MACROD2: variants seen among roughly 807,000 people sequenced by gnomAD.
The protein encoded by MACROD2 is ADP-ribose glycohydrolase MACROD2.
Under a neutral mutation model 70.4 loss-of-function variants are expected in MACROD2, and 36 were observed. The observed-to-expected ratio is 0.51, with a 90% confidence interval of 0.39 to 0.68. MACROD2 has a LOEUF of 0.68. Among genes scored for constraint, MACROD2 ranks in the 30% least tolerant of loss-of-function variants. The pLI is 0.00. For synonymous variants in MACROD2, 172 were observed against 178.8 expected, an observed-to-expected ratio of 0.96 and a Z score of 0.30; for missense variants, 496 against 538.4, an observed-to-expected ratio of 0.92 and a Z score of 0.78.
intron 4 of MACROD2, among the ~76,000 whole-genome samples, chr20:14,494,707 T>TG (rs1231864641): frequency 1.3e-5 from 2 of 152,160 alleles, no homozygotes; most frequent in South Asian, 2.1e-4. Context: ...AATAGAACAG[T>TG]GGGGGATTCA....
intron 10 of MACROD2, among the ~76,000 whole-genome samples, chr20:15,904,194 G>GC (rs2065108386): frequency 6.6e-6 from 1 of 151,984 alleles, no homozygotes; most frequent in South Asian, 2.1e-4. Flanking sequence ...GTGTTTGTTT[G>GC]TTTTTTTAGA....
intron 7 of MACROD2, among the ~76,000 whole-genome samples, chr20:15,463,645 A>G (rs1271393766): frequency 6.6e-6 from 1 of 152,094 alleles, no homozygotes; most frequent in African/African-American, 2.4e-5. Context: ...GCTACTTGAG[A>G]AGCTGAGGCA....
At chr20:14,306,883 A>C (rs905694949) in intron 3 of MACROD2, among the ~76,000 whole-genome samples, 1 of 152,134 alleles carries the variant, frequency 6.6e-6, no homozygotes, top group South Asian at 2.1e-4. Flanking sequence ...TTCTTGTTTA[A>C]TTAAGCTAGA....
chr20:15,842,988 C>G (rs531208122), intron 8 of MACROD2, among the ~76,000 whole-genome samples: 1 of 152,174 alleles, frequency 6.6e-6, no homozygotes, highest in Non-Finnish European at 1.5e-5. Flanking sequence ...GAGTAGGCAC[C>G]TAGAAAAGAG....
intron 5 of MACROD2, among the ~76,000 whole-genome samples, chr20:14,969,143 A>G (rs781729413): frequency 6.6e-6 from 1 of 150,856 alleles, no homozygotes; most frequent in African/African-American, 2.5e-5. Context: ...TCACAAAATT[A>G]TAGCACCTAT....
chr20:15,616,754 T>C (rs963919787), intron 8 of MACROD2, among the ~76,000 whole-genome samples: 1 of 152,224 alleles, frequency 6.6e-6, no homozygotes, highest in Non-Finnish European at 1.5e-5. Flanking sequence ...CAGTTCTAAC[T>C]AGTGTTGATA....
chr20:15,085,591 T>C (rs920514829), intron 5 of MACROD2, among the ~76,000 whole-genome samples: 1 of 152,000 alleles, frequency 6.6e-6, no homozygotes, highest in African/African-American at 2.4e-5. Flanking sequence ...ACATGGATGG[T>C]AGGATGTAAG....
chr20:15,166,357 A>G (rs1012399532), intron 5 of MACROD2, among the ~76,000 whole-genome samples: 2 of 152,208 alleles, frequency 1.3e-5, no homozygotes, highest in Admixed American at 1.3e-4. Flanking sequence ...AAGAGACCAC[A>G]GAAGGCTCTC....
intron 3 of MACROD2, among the ~76,000 whole-genome samples, chr20:14,482,479 G>A (rs531090476): frequency 9.3e-5 from 14 of 150,546 alleles, no homozygotes; most frequent in South Asian, 4.2e-4. Flanking sequence ...AGCTGGCCAC[G>A]TCATGAGTTA....
intron 3 of MACROD2, among the ~76,000 whole-genome samples, chr20:14,175,577 G>A (rs773889143): frequency 6.6e-6 from 1 of 152,178 alleles, no homozygotes; most frequent in Non-Finnish European, 1.5e-5. Flanking sequence ...GTCTAGAGGT[G>A]TTTGAAGTTA....
At chr20:15,754,431 T>C (rs531718679) in intron 8 of MACROD2, among the ~76,000 whole-genome samples, 5 of 152,256 alleles carry the variant, frequency 3.3e-5, no homozygotes, top group Admixed American at 3.3e-4. Flanking sequence ...AAGACCAGCC[T>C]GGCCAACATG....
chr20:15,563,138 T>C (rs2048267114), intron 8 of MACROD2, among the ~76,000 whole-genome samples: 2 of 152,190 alleles, frequency 1.3e-5, no homozygotes, highest in African/African-American at 4.8e-5. Flanking sequence ...GTTGATGCCC[T>C]TAGGAACAGC....
At chr20:15,289,761 A>G (rs2077525119) in intron 6 of MACROD2, among the ~76,000 whole-genome samples, 1 of 152,236 alleles carries the variant, frequency 6.6e-6, no homozygotes, top group African/African-American at 2.4e-5. Flanking sequence ...TTGAAAGAGT[A>G]ACCTCCCCAG....
intron 2 of MACROD2, among the ~76,000 whole-genome samples, chr20:14,024,898 G>A (rs1472796974): frequency 2.0e-5 from 3 of 152,160 alleles, no homozygotes; most frequent in Non-Finnish European, 4.4e-5. Context: ...AAATGAGTTA[G>A]GGAGAGTCCC....
Position 15,759,941 on chromosome 20 carries a change from G to T in MACROD2, c.646-102804G>T, listed in dbSNP as rs925846762. ...AGCAAAGCTGCCTTTCCCAAGAGGA[G>T]AACTGAATTTTTGCCGCGTAAAGCT... On this transcript the variant is annotated intron_variant, in intron 8 of 17. Transcript: ENST00000684519. Among the ~76,000 whole-genome samples, 9 of 152,126 alleles carry T rather than the reference G, an allele frequency of 5.9e-5. No individual in the cohort carries two copies. The East Asian group carries it at 1.7e-3, about 29-fold the overall frequency.
intron 3 of MACROD2, among the ~76,000 whole-genome samples, chr20:14,415,241 CCAAGG>C (rs2083791200): frequency 6.6e-6 from 1 of 152,078 alleles, no homozygotes; most frequent in Non-Finnish European, 1.5e-5. Flanking sequence ...GCGTGTAACA[CCAAGG>C]AATGTACTAT....
intron 5 of MACROD2, among the ~76,000 whole-genome samples, chr20:14,945,509 A>G (rs556706808): frequency 9.2e-5 from 14 of 152,310 alleles, no homozygotes; most frequent in African/African-American, 3.4e-4. Context: ...CAGCCAGCCC[A>G]CTTCATTGTA....
At chr20:15,143,743 A>G (rs2145850398) in intron 5 of MACROD2, among the ~76,000 whole-genome samples, 1 of 143,018 alleles carries the variant, frequency 7.0e-6, no homozygotes, top group East Asian at 2.1e-4. Flanking sequence ...GTTTTTTCTA[A>G]TTATTTATAT....
intron 5 of MACROD2, among the ~76,000 whole-genome samples, chr20:15,165,720 CTTATG>C (rs1341138326): frequency 1.8e-4 from 27 of 152,164 alleles, no homozygotes; most frequent in Non-Finnish European, 3.2e-4. Flanking sequence ...CGTTTCCAAA[CTTATG>C]TTAAGAGGCC....
Sources: gnomAD v4.1 joint callset for allele counts (sites outside exome capture counted in the v4.1 genomes callset) on GRCh38, gnomAD v4.1.1 for gene constraint, MANE v1.5 for transcripts, NCBI Gene and HGNC (gene_info 2026-07-23, HGNC 2026-07-21) for gene names.